Variants in CACNA1H observed in about 807,000 individuals in gnomAD.
CACNA1H encodes voltage-dependent T-type calcium channel subunit alpha-1H.
A neutral mutation model predicts 192.5 loss-of-function variants in CACNA1H; 149 were observed. The ratio of observed to expected loss-of-function variants is 0.77; its 90% confidence interval spans 0.68 to 0.89. The LOEUF (loss-of-function observed/expected upper bound fraction) is 0.89. Among genes scored for constraint, CACNA1H ranks in the 40% least tolerant of loss-of-function variants. CACNA1H has a pLI of 0.00. For missense variants in CACNA1H, 4,257 were observed against 3,423.5 expected, an observed-to-expected ratio of 1.24 and a Z score of -6.08; for synonymous variants, 2,202 against 1,475.2, an observed-to-expected ratio of 1.49 and a Z score of -11.29.
chr16:1,212,146 G>C lies in CACNA1H; in HGVS notation c.4759+8G>C. The C allele has an allele frequency of 6.3e-7, 1 of 1,599,378 alleles. No homozygotes were observed. Among genetic ancestry groups the C allele is most frequent in the African/African-American group, 1.3e-5 (1 of 74,868 alleles). On this transcript the variant is annotated splice_region_variant and intron_variant, in intron 25 of 34. Coordinates refer to ENST00000348261, the MANE Select transcript of CACNA1H (RefSeq NM_021098.3). ...TAGAGAGGAGGCGCAGGAGTAAGGC[G>C]CTCCCGGTGGCGGTGGCGGTGGCGG...
chr16:1,210,061 G>A lies in CACNA1H; in HGVS notation c.3771G>A (p.Val1257=). The A allele has an allele frequency of 6.4e-7, 1 of 1,554,346 alleles. No homozygotes were observed. The highest frequency in any genetic ancestry group is 8.7e-7 in the Non-Finnish European group (1 of 1,149,532). Reference sequence around the variant, plus strand: ...GCTGCTGCCTCCGCCTGCATAAAGTGCTGGAGCCCTACAAGCCCCAGTGGT... The same window carrying A: ...GCTGCTGCCTCCGCCTGCATAAAGTACTGGAGCCCTACAAGCCCCAGTGGT... ...EDSCCLRLHK[V]LEPYKPQWCR... The change falls in exon 18 of 35, where the codon GTG becomes GTA. Residue 1257 remains valine, a synonymous_variant. Coordinates refer to ENST00000348261, the MANE Select transcript of CACNA1H (RefSeq NM_021098.3).
intron 27 of CACNA1H, 133 bp from the exon 28 acceptor site, chr16:1,214,839 G>C: frequency 1.5e-6 from 1 of 652,402 alleles, no homozygotes; most frequent in South Asian, 1.8e-5. Flanking sequence ...CCGGTGCCCA[G>C]GGAGGAGCTA....
chr16:1,199,277 C>T (rs1195375684), intron 6 of CACNA1H, among the ~76,000 whole-genome samples: 1 of 83,286 alleles, frequency 1.2e-5, no homozygotes, highest in African/African-American at 5.6e-5. Context: ...CCACCCCCCA[C>T]CATGGCTCCG....
Position 1,202,232 on chromosome 16 carries a change from C to G in CACNA1H, c.1782C>G (p.Ala594=). Residue 594 remains alanine (A), a synonymous_variant, in exon 9 of 35, where the codon GCC becomes GCG. Coordinates refer to ENST00000348261, the MANE Select transcript of CACNA1H (RefSeq NM_021098.3). The part of the protein sequence containing the change: ...GPQERARVAH[A]AATAAASLRL... ...AGGAGAGGGCCCGGGTGGCACATGC[C>G]GCAGCCACTGCCGCTGCCAGCCTCA... The G allele has an allele frequency of 6.4e-7, 1 of 1,557,460 alleles. No homozygotes were observed. Among genetic ancestry groups the G allele is most frequent in the Non-Finnish European group, 8.7e-7 (1 of 1,152,294 alleles).
intron 2 of CACNA1H, among the ~76,000 whole-genome samples, chr16:1,164,600 G>A (rs1225666297): frequency 3.3e-5 from 5 of 152,246 alleles, no homozygotes; most frequent in South Asian, 2.1e-4. Context: ...GACCCCGGGC[G>A]GTGCCGAGCG....
chr16:1,174,895 G>A (rs1454944772), intron 2 of CACNA1H, among the ~76,000 whole-genome samples: 3 of 152,020 alleles, frequency 2.0e-5, no homozygotes, highest in Non-Finnish European at 2.9e-5. Context: ...GCAGGGGGCC[G>A]GCGGGAGGCC....
intron 2 of CACNA1H, among the ~76,000 whole-genome samples, chr16:1,158,549 A>G (rs1360030265): frequency 6.6e-6 from 1 of 152,192 alleles, no homozygotes; most frequent in Admixed American, 6.5e-5. Flanking sequence ...TGTTCCCGCC[A>G]GGAAGTGGGC....
intron 7 of CACNA1H, 41 bp from the exon 8 acceptor site, chr16:1,200,675 G>A (rs757874585): frequency 4.5e-6 from 7 of 1,571,268 alleles, no homozygotes; most frequent in African/African-American, 4.1e-5. Flanking sequence ...GGAGGAGGAG[G>A]AGGGGTCGTG....
chr16:1,207,416 G>A lies in CACNA1H; in HGVS notation c.3049G>A (p.Gly1017Ser). The change falls in exon 14 of 35, where the codon GGC becomes AGC. Residue 1017 changes from glycine to serine, a missense_variant. By Grantham distance (56) the Gly-to-Ser change is moderately conservative. Transcript: ENST00000348261. ...CCTGCTGGTGGCCATCCTCGTGGAG[G>A]GCTTCCAGGCGGAGGTGAGGGGGCA... ...FNLLVAILVE[G>S]FQAEGDANRS... is the part of the protein sequence containing the mutation. The A allele has an allele frequency of 6.2e-7, 1 of 1,613,076 alleles. No homozygotes were observed. The highest frequency in any genetic ancestry group is 8.5e-7 in the Non-Finnish European group (1 of 1,179,800).
chr16:1,210,602 T>C lies in CACNA1H; in HGVS notation c.3989T>C (p.Val1330Ala). The C allele has an allele frequency of 6.2e-7, 1 of 1,608,104 alleles. No individual in the cohort carries two copies. The highest frequency in any genetic ancestry group is 8.5e-7 in the Non-Finnish European group (1 of 1,179,772). ...CGGCAGGAGCGGGTCTTCCTCAGCG[T>C]CTCCAATTACATCTTCACGGCCATC... ...PGSTERVFLSVSNYIFTAIFV... is the reference protein window; with the variant it reads ...PGSTERVFLSASNYIFTAIFV... The change falls in exon 20 of 35, where the codon GTC becomes GCC. Residue 1330 changes from valine to alanine, a missense_variant. Coordinates refer to ENST00000348261, the MANE Select transcript of CACNA1H (RefSeq NM_021098.3).
chr16:1,213,417 A>G (rs1028571939), intron 26 of CACNA1H, among the ~76,000 whole-genome samples: 1 of 151,838 alleles, frequency 6.6e-6, no homozygotes, highest in Admixed American at 6.6e-5. Flanking sequence ...CCCAGTTGGG[A>G]TGTGGGGGAG....
In CACNA1H at chr16:1,210,837, C is replaced by G. The variant is rs867556563; in HGVS notation, c.4089C>G (p.Ser1363Arg). 2.5e-5 allele frequency: 40 copies of G among 1,604,672 alleles called. No individual in the cohort carries two copies. The highest frequency in any genetic ancestry group is 3.3e-5 in the Admixed American group (2 of 60,020). Reference protein sequence around the residue: ...LSGEHAYLQSSWNLLDGLLVL... With the variant: ...LSGEHAYLQSRWNLLDGLLVL... ...GCGAGCACGCCTACCTGCAGAGCAG[C>G]TGGAACCTGCTGGATGGGCTGCTGG... is the stretch of plus-strand genomic sequence containing the variant. Residue 1363 changes from serine to arginine, a missense_variant, in exon 21 of 35, where the codon AGC (serine) becomes AGG (arginine). By Grantham distance (110) the Ser-to-Arg change is moderately radical. Transcript: ENST00000348261.
Position 1,210,350 on chromosome 16 carries a change from A to ACCCCCCCCCCCC in CACNA1H, c.3846-17_3846-16insCCCCCCCCCCCC. The ACCCCCCCCCCCC allele has an allele frequency of 3.2e-6, 1 of 313,942 alleles. No individual in the cohort carries two copies. The highest frequency in any genetic ancestry group is 4.6e-6 in the Non-Finnish European group (1 of 215,952). 19.4% of individuals were successfully genotyped at this position (313,942 alleles called of 1,614,324 possible). A position where few individuals can be genotyped will look rare whatever the true frequency, so the allele number is the denominator to read the frequency against. Reference sequence around the variant, plus strand: ...TCCACGCCGCCCCGCCCCACCTCTCACCCGCCCCCGCCCACCCAGGTTCCG... The same window carrying ACCCCCCCCCCCC: ...TCCACGCCGCCCCGCCCCACCTCTCACCCCCCCCCCCCCCCGCCCCCGCCCACCCAGGTTCCG... On this transcript the variant is annotated intron_variant, in intron 18 of 34. Transcript: ENST00000348261.
intron 31 of CACNA1H, among the ~76,000 whole-genome samples, chr16:1,217,494 C>T (rs946065271): frequency 7.9e-5 from 12 of 152,020 alleles, no homozygotes; most frequent in South Asian, 4.1e-4. Flanking sequence ...CTGCCCCTGC[C>T]GGGTTCCACT....
intron 2 of CACNA1H, among the ~76,000 whole-genome samples, chr16:1,164,676 C>T (rs1228773354): frequency 5.9e-5 from 9 of 152,224 alleles, no homozygotes; most frequent in East Asian, 1.9e-4. Context: ...GAGGCCTTTC[C>T]GTCGGAGACC....
At chr16:1,176,789 C>T (rs1014983782) in intron 2 of CACNA1H, among the ~76,000 whole-genome samples, 8 of 152,286 alleles carry the variant, frequency 5.3e-5, no homozygotes, top group South Asian at 2.1e-4. Context: ...GGGGCCGCCC[C>T]GCCGGGGAGC....
chr16:1,196,899 G>A (rs1348167319), intron 5 of CACNA1H, among the ~76,000 whole-genome samples: 2 of 152,186 alleles, frequency 1.3e-5, no homozygotes, highest in Non-Finnish European at 2.9e-5. Flanking sequence ...CCACGAGGCC[G>A]TACCAGGCGC....
chr16:1,187,442 C>T (rs1212803484), intron 2 of CACNA1H, among the ~76,000 whole-genome samples: 1 of 152,242 alleles, frequency 6.6e-6, no homozygotes, highest in Admixed American at 6.5e-5. Flanking sequence ...CTGGGCTTCT[C>T]CTTCCTGCTG....
intron 10 of CACNA1H, 86 bp from the exon 11 acceptor site, chr16:1,205,028 C>T (rs1968506656): frequency 1.1e-6 from 1 of 872,164 alleles, no homozygotes; most frequent in South Asian, 1.7e-5. Flanking sequence ...GGGGTGGGAG[C>T]CACGGGTGGG....
Sources: allele counts gnomAD v4.1 joint callset (sites outside exome capture counted in the v4.1 genomes callset), GRCh38; gene constraint gnomAD v4.1.1; transcripts MANE v1.5; gene names NCBI Gene and HGNC (gene_info 2026-07-23, HGNC 2026-07-21).